The following MCTP2 variants were observed in gnomAD, a reference collection of about 807,000 sequenced individuals.
The protein encoded by MCTP2 is multiple C2 and transmembrane domain-containing protein 2.
MCTP2 carries 132 observed loss-of-function variants against 111.6 expected under a neutral mutation model. That is an observed-to-expected ratio of 1.18 (90% CI 1.03 to 1.37). The LOEUF (loss-of-function observed/expected upper bound fraction) is 1.37, where lower values mean the gene tolerates loss of function less well. MCTP2 is among the 40% of genes most tolerant of loss of function. MCTP2 has a pLI of 0.00. For missense variants in MCTP2, 1,183 were observed against 1,067.9 expected, an observed-to-expected ratio of 1.11 and a Z score of -1.50; for synonymous variants, 395 against 387.7, an observed-to-expected ratio of 1.02 and a Z score of -0.22.
At chr15:94,420,125 C>A (rs1040981533) in intron 17 of MCTP2, among the ~76,000 whole-genome samples, 40 of 152,248 alleles carry the variant, frequency 2.6e-4, no homozygotes, top group African/African-American at 9.4e-4. Flanking sequence ...ATAAATGGAA[C>A]AACAAAGCTT....
chr15:94,435,422 A>G (rs1490500640), intron 17 of MCTP2, among the ~76,000 whole-genome samples: 1 of 152,044 alleles, frequency 6.6e-6, no homozygotes, highest in Non-Finnish European at 1.5e-5. Flanking sequence ...TGGTGCTACT[A>G]TAAATGGAAA....
intron 1 of MCTP2, among the ~76,000 whole-genome samples, chr15:94,268,433 C>T (rs1157450111): frequency 6.7e-6 from 1 of 148,394 alleles, no homozygotes; most frequent in Non-Finnish European, 1.5e-5. Context: ...CTCAGGTGAT[C>T]CACCTGCCTC....
At chr15:94,432,201 G>A (rs2083225701) in intron 17 of MCTP2, among the ~76,000 whole-genome samples, 1 of 152,148 alleles carries the variant, frequency 6.6e-6, no homozygotes, top group Non-Finnish European at 1.5e-5. Flanking sequence ...TGGCAAGGAA[G>A]GTGGATGTTG....
intron 19 of MCTP2, among the ~76,000 whole-genome samples, chr15:94,450,637 T>C (rs906175015): frequency 6.6e-6 from 1 of 152,236 alleles, no homozygotes; most frequent in Non-Finnish European, 1.5e-5. Context: ...TATTCTTATT[T>C]AAAGTCTAAA....
chr15:94,276,843 CAAAAAA>C (rs10538124), intron 1 of MCTP2, among the ~76,000 whole-genome samples: 1 of 130,618 alleles, frequency 7.7e-6, no homozygotes, highest in Non-Finnish European at 1.6e-5. Flanking sequence ...TAAACTAACC[CAAAAAA>C]AAAAAAAAAA....
rs141719358 is a variant in MCTP2 at position 94,339,425 on chromosome 15, G to T, written c.773G>T (p.Arg258Leu). 1.9e-6 allele frequency: 3 copies of T among 1,594,770 alleles called. No homozygotes were observed. The change falls in exon 5 of 23, where the codon CGT (arginine) becomes CTT (leucine). Residue 258 changes from arginine to leucine, a missense_variant. Arg to Leu is a moderately radical substitution (Grantham distance 102). Transcript: ENST00000357742. ...ATCCAAAGCCTTGATCAAAAGCTACGTGTGAAGGTAATCACAGATAGCTTT... is the reference window on the plus strand; with the variant it reads ...ATCCAAAGCCTTGATCAAAAGCTACTTGTGAAGGTAATCACAGATAGCTTT... ...LPIQSLDQKL[R>L]VKVYDRDLTT... is the part of the protein sequence containing the mutation.
At chr15:94,274,629 C>A (rs575583025) in intron 1 of MCTP2, among the ~76,000 whole-genome samples, 1 of 151,948 alleles carries the variant, frequency 6.6e-6, no homozygotes, top group African/African-American at 2.4e-5. Context: ...TGGACAAACT[C>A]CCCCCTCCCC....
chr15:94,243,540 T>TACATAC (rs2071298338), intron 1 of MCTP2, among the ~76,000 whole-genome samples: 1 of 133,974 alleles, frequency 7.5e-6, no homozygotes, highest in Admixed American at 7.4e-5. Context: ...TACGTATGCG[T>TACATAC]GCATACGTAT....
chr15:94,443,043 C>A, intron 19 of MCTP2, 83 bp downstream of exon 19: 1 of 971,810 alleles, frequency 1.0e-6, no homozygotes, highest in Non-Finnish European at 1.4e-6. Context: ...AGTCTCTCTC[C>A]TCTCTTTTTT....
intron 8 of MCTP2, among the ~76,000 whole-genome samples, chr15:94,348,093 T>A (rs1302227686): frequency 6.6e-6 from 1 of 152,182 alleles, no homozygotes; most frequent in Admixed American, 6.5e-5. Flanking sequence ...ATGTCTGCTG[T>A]CTAAAGTAAG....
intron 22 of MCTP2, among the ~76,000 whole-genome samples, 192 bp downstream of exon 22, chr15:94,476,985 G>GT (rs941182632): frequency 1.3e-4 from 20 of 152,130 alleles, no homozygotes; most frequent in African/African-American, 4.3e-4. Context: ...GGGGGAAATT[G>GT]TTTTGAAAAA....
At chr15:94,252,431 G>A (rs1385656105) in intron 1 of MCTP2, among the ~76,000 whole-genome samples, 2 of 152,096 alleles carry the variant, frequency 1.3e-5, no homozygotes, top group Non-Finnish European at 2.9e-5. Context: ...CTTTTGAATT[G>A]TCATTGTAAG....
chr15:94,278,306 TATAG>T (rs2074314890), intron 1 of MCTP2: 1 of 152,112 alleles, frequency 6.6e-6, no homozygotes, highest in Non-Finnish European at 1.5e-5. Flanking sequence ...TTGACACAGG[TATAG>T]ATAACCAGGT....
intron 1 of MCTP2, among the ~76,000 whole-genome samples, chr15:94,238,287 C>T (rs940522163): frequency 6.6e-6 from 1 of 152,024 alleles, no homozygotes; most frequent in African/African-American, 2.4e-5. Flanking sequence ...TGAGGTAAAA[C>T]GTTTATCATA....
chr15:94,464,257 T>TTATATATATATATATATATA (rs1555481313), intron 20 of MCTP2, among the ~76,000 whole-genome samples: 2 of 44,968 alleles, frequency 4.4e-5, no homozygotes, highest in African/African-American at 1.2e-4. Flanking sequence ...TATATATATA[T>TTATATATATATATATATATA]TATATATATA....
rs189049094 is a variant in MCTP2 at position 94,275,304 on chromosome 15, A to G, written c.-65-22897A>G. ...GAATAAACAAGTCATAAGGATTAGG[A>G]AAAAATATAAAACTAGTATTAGTCA... On this transcript the variant is annotated intron_variant, in intron 1 of 22. Coordinates refer to ENST00000357742, the MANE Select transcript of MCTP2 (RefSeq NM_001385001.1). Among the ~76,000 whole-genome samples the G allele has an allele frequency of 7.5e-3, 1,138 of 152,254 alleles. 13 individuals are homozygous for G. The highest frequency in any genetic ancestry group is 0.026 in the African/African-American group (1,071 of 41,566).
intron 19 of MCTP2, among the ~76,000 whole-genome samples, chr15:94,456,143 C>T (rs56142660): frequency 0.17 from 25,896 of 151,992 alleles, 2,394 homozygotes; most frequent in African/African-American, 0.22. Flanking sequence ...TTAACAAGTC[C>T]AGATGATAAG....
chr15:94,405,022 G>A lies in MCTP2; in HGVS notation c.2085+3003G>A, dbSNP rs549308925. 4.6e-5 allele frequency among the ~76,000 whole-genome samples: 7 copies of A among 152,338 alleles called. No homozygotes were observed. In the South Asian group the frequency reaches 6.2e-4, roughly 14 times the overall value. On this transcript the variant is annotated intron_variant, in intron 17 of 22. Transcript: ENST00000357742. ...TGGCATGACAGGGCAGAACAGAGGC[G>A]CTGTCTGAAGCAAGGTTTTAAGCCA...
rs2081616841 is a variant in MCTP2 at position 94,401,984 on chromosome 15, T to G, written c.2050T>G (p.Trp684Gly). Residue 684 changes from tryptophan to glycine, a missense_variant, in exon 17 of 23, where the codon TGG (tryptophan) becomes GGG (glycine). Physicochemically the swap from Trp to Gly is radical, Grantham distance 184 (BLOSUM62 -2). Transcript: ENST00000357742. Reference protein sequence around the residue: ...TMQFLKSCFQWESTLRSTIAF... With the variant: ...TMQFLKSCFQGESTLRSTIAF... ...GCAGTTCCTTAAAAGCTGCTTCCAGTGGGAATCCACATTAAGAAGTACAAT... is the reference window on the plus strand; with the variant it reads ...GCAGTTCCTTAAAAGCTGCTTCCAGGGGGAATCCACATTAAGAAGTACAAT... The G allele has an allele frequency of 2.5e-6, 4 of 1,613,626 alleles. No individual in the cohort carries two copies. The highest frequency in any genetic ancestry group is 3.4e-6 in the Non-Finnish European group (4 of 1,179,724).
Sources: gnomAD v4.1 joint callset for allele counts (sites outside exome capture counted in the v4.1 genomes callset) on GRCh38, gnomAD v4.1.1 for gene constraint, MANE v1.5 for transcripts, NCBI Gene and HGNC (gene_info 2026-07-23, HGNC 2026-07-21) for gene names.